GRIA4: variants seen among roughly 807,000 people sequenced by gnomAD.
The protein encoded by GRIA4 is glutamate ionotropic receptor AMPA type subunit 4.
GRIA4 carries 34 observed loss-of-function variants against 104.0 expected under a neutral mutation model. That is an observed-to-expected ratio of 0.33 (90% CI 0.25 to 0.44). The LOEUF (loss-of-function observed/expected upper bound fraction) is 0.44. Ranked by LOEUF, GRIA4 falls within the 20% of genes least tolerant of loss-of-function variation. GRIA4 has a pLI of 1.00. For synonymous variants in GRIA4, 386 were observed against 381.9 expected (o/e 1.01, Z -0.13); for missense variants, 750 against 1,096.5 (o/e 0.68, Z 4.46).
intron 4 of GRIA4, among the ~76,000 whole-genome samples, chr11:105,782,048 T>C (rs548272013): frequency 3.3e-5 from 5 of 152,272 alleles, no homozygotes; most frequent in Non-Finnish European, 5.9e-5. Flanking sequence ...CTGTTCCTCT[T>C]GCTGAATTTG....
chr11:105,733,359 A>T (rs1276114247), intron 3 of GRIA4, among the ~76,000 whole-genome samples: 1 of 152,208 alleles, frequency 6.6e-6, no homozygotes, highest in Non-Finnish European at 1.5e-5. Flanking sequence ...ACATTAATAG[A>T]CTTCTACATA....
At chr11:105,736,781 A>G (rs956716707) in intron 3 of GRIA4, among the ~76,000 whole-genome samples, 17 of 152,096 alleles carry the variant, frequency 1.1e-4, no homozygotes, top group Non-Finnish European at 1.3e-4. Flanking sequence ...AACATATGTT[A>G]TTAGAAAAAA....
intron 14 of GRIA4, among the ~76,000 whole-genome samples, chr11:105,970,164 A>T (rs1858612461): frequency 6.6e-6 from 1 of 152,196 alleles, no homozygotes; most frequent in African/African-American, 2.4e-5. Flanking sequence ...AAAAAACAAC[A>T]TAATATTCTA....
chr11:105,918,743 A>G lies in GRIA4; in HGVS notation c.1301A>G (p.His434Arg). Residue 434 changes from histidine (H) to arginine (R), a missense_variant, in exon 11 of 17, where the codon CAT (histidine) becomes CGT (arginine). Physicochemically the swap from His to Arg is conservative, Grantham distance 29. Transcript: ENST00000282499. ...ESPYVMYKKN[H>R]EMFEGNDKYE... The stretch of plus-strand genomic sequence containing the variant: ...CCATATGTTATGTACAAGAAAAATC[A>G]TGAAATGTTTGAAGGAAATGACAAG... The G allele has an allele frequency of 6.3e-7, 1 of 1,585,742 alleles. No homozygotes were observed. The highest frequency in any genetic ancestry group is 1.1e-5 in the South Asian group (1 of 90,500).
intron 4 of GRIA4, among the ~76,000 whole-genome samples, chr11:105,821,419 G>A (rs1004639983): frequency 1.3e-5 from 2 of 152,018 alleles, no homozygotes; most frequent in African/African-American, 4.8e-5. Context: ...GGTTCTACAG[G>A]CTGTACAGGA....
In GRIA4 at chr11:105,981,837, C is replaced by A. The variant is rs118004392; in HGVS notation, c.*2098C>A. 1,471 of 152,760 alleles carry A rather than the reference C, an allele frequency of 9.6e-3. 13 individuals carry two copies. The highest frequency in any genetic ancestry group is 0.045 in the East Asian group (232 of 5,182). The allele number at this position is 152,760 out of a possible 1,614,324, so 9.5% of individuals were successfully genotyped here. A position where few individuals can be genotyped will look rare whatever the true frequency, so the allele number is the denominator to read the frequency against. ...AATACTCCAACTGAATTTTACTTAC[C>A]CTGAAAAGATTTCCATGGCTATCCA... On this transcript the variant is annotated 3_prime_UTR_variant, in exon 17 of 17. Coordinates refer to ENST00000282499, the MANE Select transcript of GRIA4 (RefSeq NM_000829.4).
intron 13 of GRIA4, among the ~76,000 whole-genome samples, chr11:105,927,354 AT>A (rs1334496926): frequency 1.3e-5 from 2 of 152,206 alleles, no homozygotes; most frequent in East Asian, 3.9e-4. Context: ...CAAAACCTTA[AT>A]TGCAGATTAT....
intron 5 of GRIA4, 129 bp downstream of exon 5, chr11:105,862,337 C>T: frequency 1.6e-6 from 1 of 618,862 alleles, no homozygotes; most frequent in Non-Finnish European, 2.9e-6. Context: ...GTTTTCATTC[C>T]ATGACTATCT....
intron 4 of GRIA4, among the ~76,000 whole-genome samples, chr11:105,846,252 AT>A (rs1319237390): frequency 6.6e-6 from 1 of 152,156 alleles, no homozygotes; most frequent in Non-Finnish European, 1.5e-5. Context: ...TGGAAAGCAA[AT>A]TCATTTTCAA....
chr11:105,795,696 T>C (rs574077176), intron 4 of GRIA4, among the ~76,000 whole-genome samples: 79 of 152,126 alleles, frequency 5.2e-4, no homozygotes, highest in Non-Finnish European at 7.1e-4. Context: ...CACTTAATGG[T>C]TGTAATAATT....
chr11:105,843,534 C>G (rs946452113), intron 4 of GRIA4, among the ~76,000 whole-genome samples: 2 of 152,146 alleles, frequency 1.3e-5, no homozygotes, highest in African/African-American at 4.8e-5. Context: ...TTCAGTCTTC[C>G]AAAACCAGGA....
chr11:105,653,665 T>C (rs1349071662), intron 3 of GRIA4, among the ~76,000 whole-genome samples: 1 of 151,958 alleles, frequency 6.6e-6, no homozygotes, highest in Non-Finnish European at 1.5e-5. Flanking sequence ...TGAGCGAGTG[T>C]TTTTCAGAAA....
chr11:105,698,167 G>A (rs779554772), intron 3 of GRIA4, among the ~76,000 whole-genome samples: 5 of 152,000 alleles, frequency 3.3e-5, no homozygotes, highest in African/African-American at 4.8e-5. Flanking sequence ...TTGATACTAC[G>A]TGCAAACAAA....
chr11:105,924,455 T>C lies in GRIA4; in HGVS notation c.1533T>C (p.Ile511=). ...LTITLVREEV[I]DFSKPFMSLG... ...TCACTTTGGTACGAGAGGAGGTCAT[T>C]GACTTTTCTAAGCCCTTCATGAGTT... The change falls in exon 12 of 17, where the codon ATT becomes ATC. Residue 511 remains isoleucine, a synonymous_variant. Transcript: ENST00000282499. The C allele has an allele frequency of 6.2e-7, 1 of 1,611,776 alleles. No homozygotes were observed.
chr11:105,750,615 T>C (rs1490704683), intron 3 of GRIA4, among the ~76,000 whole-genome samples: 1 of 152,068 alleles, frequency 6.6e-6, no homozygotes, highest in Non-Finnish European at 1.5e-5. Context: ...TATTAAATAG[T>C]ATAGTGAGTA....
intron 4 of GRIA4, among the ~76,000 whole-genome samples, chr11:105,805,304 T>C (rs1026148587): frequency 1.4e-4 from 21 of 151,628 alleles, no homozygotes; most frequent in Non-Finnish European, 2.8e-4. Flanking sequence ...CAATAGAATA[T>C]AGATAGAAAA....
At chr11:105,974,609 G>C (rs1858879590) in intron 16 of GRIA4, 165 bp downstream of exon 16, 1 of 1,568,982 alleles carries the variant, frequency 6.4e-7, no homozygotes, top group Non-Finnish European at 8.7e-7. Flanking sequence ...TGTGAACGCA[G>C]TGTTGTGACC....
chr11:105,809,835 T>A lies in GRIA4; in HGVS notation c.488-52189T>A, dbSNP rs73554217. ...ACTAGTACAGCTACCAAACGCTAGA[T>A]CTTATTTCTTCTATCTTTACTGTAT... On this transcript the variant is annotated intron_variant, in intron 4 of 16. Coordinates refer to ENST00000282499, the MANE Select transcript of GRIA4 (RefSeq NM_000829.4). Among the ~76,000 whole-genome samples the A allele has an allele frequency of 9.0e-3, 1,368 of 152,118 alleles. 20 individuals carry two copies. The highest frequency in any genetic ancestry group is 0.031 in the African/African-American group (1,290 of 41,514).
At chr11:105,659,294 C>T (rs10895854) in intron 3 of GRIA4, among the ~76,000 whole-genome samples, 18,119 of 151,954 alleles carry the variant, frequency 0.12, 1,213 homozygotes, top group East Asian at 0.21. Context: ...ACATCTTAGG[C>T]ATGCGATTTG....
Sources: gnomAD v4.1 joint callset for allele counts (sites outside exome capture counted in the v4.1 genomes callset) on GRCh38, gnomAD v4.1.1 for gene constraint, MANE v1.5 for transcripts, NCBI Gene and HGNC (gene_info 2026-07-23, HGNC 2026-07-21) for gene names.